The following ARID5B variants were observed in gnomAD, a reference collection of about 807,000 sequenced individuals.
The protein encoded by ARID5B is AT-rich interactive domain-containing protein 5B.
A neutral mutation model predicts 97.2 loss-of-function variants in ARID5B; 13 were observed. That is an observed-to-expected ratio of 0.13 (90% CI 0.09 to 0.21). ARID5B has a LOEUF of 0.21. Among genes scored for constraint, ARID5B ranks in the 10% least tolerant of loss-of-function variants. ARID5B has a pLI of 1.00. For missense variants in ARID5B, 1,210 were observed against 1,465.3 expected (o/e 0.83, Z 2.84); for synonymous variants, 556 against 570.3 (o/e 0.97, Z 0.36).
At chr10:62,069,853 T>TTC in intron 8 of ARID5B, 56 bp downstream of exon 8, 1 of 1,553,342 alleles carries the variant, frequency 6.4e-7, no homozygotes, top group South Asian at 1.1e-5. Flanking sequence ...TGAAAGGAGC[T>TTC]TCTGGTCAAG....
intron 4 of ARID5B, among the ~76,000 whole-genome samples, chr10:62,009,909 A>G (rs1326859124): frequency 1.3e-5 from 2 of 152,230 alleles, no homozygotes; most frequent in Non-Finnish European, 2.9e-5. Flanking sequence ...AAGTTATTTC[A>G]GGTGAGGAGG....
In ARID5B at chr10:62,066,238, A is replaced by G. The variant is rs539031363; in HGVS notation, c.1102-3462A>G. On this transcript the variant is annotated intron_variant, in intron 7 of 9. Coordinates refer to ENST00000279873, the MANE Select transcript of ARID5B (RefSeq NM_032199.3). The stretch of plus-strand genomic sequence containing the variant: ...CTCTCCTTATTGGGCTCTGAGACCC[A>G]TCATGTGTTTGGACAATGGGAGAAT... 2.6e-5 allele frequency among the ~76,000 whole-genome samples: 4 copies of G among 152,346 alleles called. No individual in the cohort carries two copies. In the East Asian group the frequency reaches 7.7e-4, roughly 29 times the overall value.
chr10:61,967,514 G>C (rs192638513), intron 3 of ARID5B, among the ~76,000 whole-genome samples: 9 of 152,194 alleles, frequency 5.9e-5, no homozygotes, highest in African/African-American at 2.2e-4. Context: ...CCTGGCTGGC[G>C]ATGGTTTGTT....
intron 4 of ARID5B, among the ~76,000 whole-genome samples, chr10:62,019,851 T>C (rs1477738225): frequency 6.6e-6 from 1 of 152,164 alleles, no homozygotes; most frequent in Non-Finnish European, 1.5e-5. Flanking sequence ...GAGTGAAGAT[T>C]TGCTCCTAGG....
At chr10:62,037,137 A>G (rs4281440) in intron 4 of ARID5B, among the ~76,000 whole-genome samples, 148,943 of 152,314 alleles carry the variant, frequency 0.98, 72,919 homozygotes, top group Middle Eastern at 1. Context: ...ATTAAGCCCC[A>G]GAATATTAGT....
chr10:62,027,039 C>T (rs1295265225), intron 4 of ARID5B, among the ~76,000 whole-genome samples: 1 of 152,158 alleles, frequency 6.6e-6, no homozygotes, highest in Non-Finnish European at 1.5e-5. Flanking sequence ...ATCACAGTGA[C>T]AAGGTCCTGG....
intron 4 of ARID5B, among the ~76,000 whole-genome samples, chr10:62,038,976 G>A (rs1397372752): frequency 6.6e-6 from 1 of 152,170 alleles, no homozygotes; most frequent in African/African-American, 2.4e-5. Context: ...CACTAACAGC[G>A]AATAATGATC....
chr10:61,963,591 C>T (rs144316413), intron 3 of ARID5B, among the ~76,000 whole-genome samples: 56 of 152,048 alleles, frequency 3.7e-4, no homozygotes, highest in African/African-American at 1.2e-3. Context: ...TGGACCAGCT[C>T]GGCAGAGCAT....
At chr10:61,976,495 G>A (rs139035104) in intron 3 of ARID5B, among the ~76,000 whole-genome samples, 2,248 of 152,260 alleles carry the variant, frequency 0.015, 62 homozygotes, top group African/African-American at 0.051. Context: ...CAGGAAATTG[G>A]TGTTTGGATA....
chr10:62,029,886 G>A (rs941855429), intron 4 of ARID5B, among the ~76,000 whole-genome samples: 25 of 152,334 alleles, frequency 1.6e-4, no homozygotes, highest in East Asian at 1.5e-3. Flanking sequence ...CTTTAACGAT[G>A]TGGGGGTAAG....
At chr10:62,085,228 C>T (rs1230198128) in intron 8 of ARID5B, among the ~76,000 whole-genome samples, 1 of 152,228 alleles carries the variant, frequency 6.6e-6, no homozygotes, top group African/African-American at 2.4e-5. Flanking sequence ...GTACCTGGCA[C>T]ATGCTAGTAC....
intron 3 of ARID5B, among the ~76,000 whole-genome samples, chr10:61,944,918 TG>T (rs1303243389): frequency 6.6e-6 from 1 of 152,082 alleles, no homozygotes; most frequent in Non-Finnish European, 1.5e-5. Context: ...AGATTATGTG[TG>T]GGGGTCTGGC....
intron 8 of ARID5B, among the ~76,000 whole-genome samples, chr10:62,079,953 C>CA (rs1248937243): frequency 6.6e-5 from 10 of 152,252 alleles, no homozygotes; most frequent in African/African-American, 1.9e-4. Context: ...GGTGTCTTAG[C>CA]ATAGAATACA....
chr10:61,904,847 G>A (rs1439405792), intron 2 of ARID5B, among the ~76,000 whole-genome samples: 3 of 152,224 alleles, frequency 2.0e-5, no homozygotes, highest in South Asian at 2.1e-4. Context: ...CAAATGTAAA[G>A]CAGGTAGAAA....
intron 7 of ARID5B, among the ~76,000 whole-genome samples, chr10:62,061,929 AG>A (rs1839926237): frequency 6.6e-6 from 1 of 152,146 alleles, no homozygotes; most frequent in African/African-American, 2.4e-5. Context: ...GAATTTTAAA[AG>A]GCATTTCTGC....
At chr10:62,043,937 G>C (rs893595436) in intron 4 of ARID5B, among the ~76,000 whole-genome samples, 4 of 152,112 alleles carry the variant, frequency 2.6e-5, no homozygotes, top group African/African-American at 9.7e-5. Context: ...TCCAGGTATA[G>C]CAAAGGCAGT....
At chr10:62,035,288 G>A (rs906149294) in intron 4 of ARID5B, among the ~76,000 whole-genome samples, 5 of 152,100 alleles carry the variant, frequency 3.3e-5, no homozygotes, top group African/African-American at 1.2e-4. Flanking sequence ...CTACTAAGTA[G>A]TACCAGACAC....
intron 4 of ARID5B, among the ~76,000 whole-genome samples, chr10:62,041,879 A>C (rs1002014475): frequency 4.6e-5 from 7 of 152,262 alleles, no homozygotes; most frequent in African/African-American, 1.2e-4. Context: ...TATTCAGTAC[A>C]AAAATGTTGC....
chr10:61,935,764 T>C (rs1362764323), intron 2 of ARID5B, among the ~76,000 whole-genome samples: 1 of 152,246 alleles, frequency 6.6e-6, no homozygotes, highest in Non-Finnish European at 1.5e-5. Context: ...AAACTCATTA[T>C]GTAAATGTAA....
Sources: gnomAD v4.1 joint callset for allele counts (sites outside exome capture counted in the v4.1 genomes callset) on GRCh38, gnomAD v4.1.1 for gene constraint, MANE v1.5 for transcripts, NCBI Gene and HGNC (gene_info 2026-07-23, HGNC 2026-07-21) for gene names.